DNAH9: variants seen among roughly 807,000 people sequenced by gnomAD.
DNAH9 encodes the protein dynein axonemal heavy chain 9.
DNAH9 carries 345 observed loss-of-function variants against 471.6 expected under a neutral mutation model. The observed-to-expected ratio is 0.73, with a 90% CI of 0.67 to 0.80. DNAH9 has a LOEUF of 0.80. Ranked by LOEUF, DNAH9 falls within the 30% of genes least tolerant of loss-of-function variation. DNAH9 has a pLI of 0.00. For synonymous variants in DNAH9, 2,093 were observed against 2,123.6 expected, an observed-to-expected ratio of 0.99 and a Z score of 0.40; for missense variants, 5,407 against 5,609.2, an observed-to-expected ratio of 0.96 and a Z score of 1.15.
chr17:11,640,452 T>A, intron 10 of DNAH9, 68 bp downstream of exon 10: 1 of 1,065,326 alleles, frequency 9.4e-7, no homozygotes, highest in Non-Finnish European at 1.5e-6. Context: ...ATCTGAGTGT[T>A]GTAGAAATGC....
At chr17:11,750,899 T>C (rs1235258152) in intron 32 of DNAH9, among the ~76,000 whole-genome samples, 1 of 151,962 alleles carries the variant, frequency 6.6e-6, no homozygotes, top group Non-Finnish European at 1.5e-5. Flanking sequence ...CTGATAAAGA[T>C]AAAAGCTGAA....
At chr17:11,844,550 C>T (rs142206726) in intron 49 of DNAH9, among the ~76,000 whole-genome samples, 267 of 152,076 alleles carry the variant, frequency 1.8e-3, no homozygotes, top group African/African-American at 6.2e-3. Context: ...GGATTGCAGG[C>T]GCACACCACC....
chr17:11,793,361 T>G, intron 41 of DNAH9, 142 bp from the exon 42 acceptor site: 3 of 682,160 alleles, frequency 4.4e-6, no homozygotes, highest in Non-Finnish European at 6.9e-6. Context: ...TTCTCAGTGT[T>G]CCCTCCACTA....
chr17:11,911,835 C>G (rs1393509113), intron 61 of DNAH9, among the ~76,000 whole-genome samples: 1 of 151,980 alleles, frequency 6.6e-6, no homozygotes, highest in Non-Finnish European at 1.5e-5. Context: ...CTTTTAGATT[C>G]TGTTGTAAAT....
chr17:11,782,619 G>A (rs2150896273), intron 39 of DNAH9, among the ~76,000 whole-genome samples: 1 of 152,270 alleles, frequency 6.6e-6, no homozygotes, highest in East Asian at 1.9e-4. Context: ...TAAACAGGCT[G>A]GGTGCAGTGG....
intron 5 of DNAH9, among the ~76,000 whole-genome samples, 169 bp from the exon 6 acceptor site, chr17:11,619,379 G>A (rs2072807502): frequency 6.6e-6 from 1 of 152,098 alleles, no homozygotes; most frequent in Non-Finnish European, 1.5e-5. Context: ...AGACTATTTG[G>A]CCGAAACCCA....
intron 48 of DNAH9, among the ~76,000 whole-genome samples, chr17:11,832,238 G>A (rs1366724708): frequency 6.6e-6 from 1 of 152,138 alleles, no homozygotes; most frequent in African/African-American, 2.4e-5. Flanking sequence ...TCCATGTCAT[G>A]GTTTAAGAGC....
At chr17:11,701,829 C>A (rs2074603923) in intron 24 of DNAH9, among the ~76,000 whole-genome samples, 1 of 152,150 alleles carries the variant, frequency 6.6e-6, no homozygotes, top group African/African-American at 2.4e-5. Flanking sequence ...CAGGCATGCG[C>A]CACCAGGGCT....
chr17:11,699,380 T>C (rs1352022830), intron 22 of DNAH9, among the ~76,000 whole-genome samples: 3 of 152,214 alleles, frequency 2.0e-5, no homozygotes, highest in Non-Finnish European at 2.9e-5. Flanking sequence ...TCCTGTACCA[T>C]GGTAGTGTTT....
intron 2 of DNAH9, among the ~76,000 whole-genome samples, chr17:11,608,675 G>A (rs1214019715): frequency 1.3e-5 from 2 of 152,182 alleles, no homozygotes; most frequent in Non-Finnish European, 2.9e-5. Context: ...AGTCTGGGAG[G>A]CAGGCATGCC....
chr17:11,612,075 G>A (rs950965166), intron 4 of DNAH9: 2 of 589,756 alleles, frequency 3.4e-6, no homozygotes, highest in African/African-American at 1.9e-5. Context: ...CTAGGTCCGT[G>A]TGAGATTATA....
chr17:11,902,341 AGAGT>A (rs1973441374), intron 59 of DNAH9, among the ~76,000 whole-genome samples: 1 of 152,222 alleles, frequency 6.6e-6, no homozygotes, highest in South Asian at 2.1e-4. Flanking sequence ...GTTTGGTGGC[AGAGT>A]GAGTTTGAGG....
chr17:11,611,903 A>G (rs998672099), intron 4 of DNAH9, 123 bp downstream of exon 4: 1 of 914,356 alleles, frequency 1.1e-6, no homozygotes, highest in African/African-American at 1.6e-5. Context: ...CCCGACACAA[A>G]CTAGCATGGT....
In DNAH9 at chr17:11,669,692, G is replaced by A; in HGVS notation, c.3251G>A (p.Trp1084Ter). 1 of 1,614,098 alleles carries A rather than the reference G, an allele frequency of 6.2e-7. No individual in the cohort carries two copies. Among genetic ancestry groups the A allele is most frequent in the South Asian group, 1.1e-5 (1 of 91,084 alleles). The change falls in exon 17 of 69, where the codon TGG (tryptophan) becomes TAG (stop). Residue 1084 changes from tryptophan (W) to a stop codon, truncating the protein, a stop_gained. Transcript: ENST00000262442. LOFTEE classifies it high-confidence loss of function. ...RLEPIKVFDG[W>*]MKIDIRPFKA... ...GAACCCATCAAGGTGTTTGACGGCT[G>A]GATGAAAATTGATATTCGACCCTTT...
At position 11,736,654 on chromosome 17, in the gene DNAH9, C is replaced by T. The variant is rs984373464; in HGVS notation, c.5815-2226C>T. 4.6e-5 allele frequency among the ~76,000 whole-genome samples: 7 copies of T among 152,144 alleles called. No homozygotes were observed. The South Asian group carries it at 6.2e-4, about 13-fold the overall frequency. On this transcript the variant is annotated intron_variant, in intron 28 of 68. Transcript: ENST00000262442. ...GCCTAACCAAAATTTCTATGAGCAC[C>T]GATGCTCCAACATTAACTGCATCTT...
intron 56 of DNAH9, among the ~76,000 whole-genome samples, chr17:11,885,709 T>C (rs1972858279): frequency 6.6e-6 from 1 of 152,238 alleles, no homozygotes; most frequent in Non-Finnish European, 1.5e-5. Flanking sequence ...ACTTTGTTAA[T>C]GGTGAGTTTG....
intron 61 of DNAH9, among the ~76,000 whole-genome samples, chr17:11,911,120 G>T (rs1007056223): frequency 6.6e-6 from 1 of 152,060 alleles, no homozygotes; most frequent in Admixed American, 6.6e-5. Context: ...CCAACCTAAG[G>T]TCACAAAGAT....
intron 57 of DNAH9, among the ~76,000 whole-genome samples, chr17:11,888,741 A>G (rs946956385): frequency 6.6e-6 from 1 of 152,172 alleles, no homozygotes; most frequent in Non-Finnish European, 1.5e-5. Flanking sequence ...CGAAACCACA[A>G]TGCATTTAGA....
chr17:11,938,599 T>A (rs969819607), intron 66 of DNAH9, among the ~76,000 whole-genome samples: 18 of 152,048 alleles, frequency 1.2e-4, no homozygotes, highest in African/African-American at 2.4e-4. Flanking sequence ...ATTTTTTTTT[T>A]AATTTAATTT....
Sources: allele counts gnomAD v4.1 joint callset (sites outside exome capture counted in the v4.1 genomes callset), GRCh38; gene constraint gnomAD v4.1.1; transcripts MANE v1.5; gene names NCBI Gene and HGNC (gene_info 2026-07-23, HGNC 2026-07-21).